Variants in ARHGAP10 observed in about 807,000 individuals in gnomAD.
ARHGAP10 encodes Rho GTPase activating protein 10, also known as rho GTPase-activating protein 10.
In ARHGAP10, 87 loss-of-function variants were observed where a neutral mutation model predicts 108.6. That is an observed-to-expected ratio of 0.80 (90% CI 0.67 to 0.96). The LOEUF (loss-of-function observed/expected upper bound fraction) is 0.96. Ranked by LOEUF, ARHGAP10 falls within the 40% of genes least tolerant of loss-of-function variation. The pLI, the probability that ARHGAP10 is intolerant of heterozygous loss-of-function variation, is 0.00. For synonymous variants in ARHGAP10, 347 were observed against 341.1 expected (o/e 1.02, Z -0.19); for missense variants, 939 against 954.5 (o/e 0.98, Z 0.21).
intron 4 of ARHGAP10, among the ~76,000 whole-genome samples, chr4:147,856,284 T>TAG (rs1734078607): frequency 6.6e-6 from 1 of 152,252 alleles, no homozygotes; most frequent in South Asian, 2.1e-4. Context: ...ATGTTTGTGA[T>TAG]GTTAACCAAA....
At chr4:147,886,071 T>C (rs1735541526) in intron 10 of ARHGAP10, among the ~76,000 whole-genome samples, 1 of 152,184 alleles carries the variant, frequency 6.6e-6, no homozygotes, top group South Asian at 2.1e-4. Context: ...GCTACAGGTA[T>C]AAGGGGTATA....
intron 1 of ARHGAP10, among the ~76,000 whole-genome samples, chr4:147,821,431 G>T (rs1406956562): frequency 6.6e-6 from 1 of 152,148 alleles, no homozygotes; most frequent in East Asian, 1.9e-4. Context: ...TACTTTAGGT[G>T]TAAGAAATTA....
chr4:148,030,003 C>T (rs937634263), intron 19 of ARHGAP10, among the ~76,000 whole-genome samples: 1 of 151,566 alleles, frequency 6.6e-6, no homozygotes, highest in African/African-American at 2.4e-5. Context: ...ATCCCCCCCC[C>T]CACCAACCCC....
chr4:147,755,696 T>TCCTTCTCTTGC (rs1433380302), intron 1 of ARHGAP10, among the ~76,000 whole-genome samples: 1 of 152,220 alleles, frequency 6.6e-6, no homozygotes, highest in Non-Finnish European at 1.5e-5. Context: ...CTGCCTCTTG[T>TCCTTCTCTTGC]CCTTCTCTTG....
At chr4:147,751,892 T>G (rs1729167237) in intron 1 of ARHGAP10, among the ~76,000 whole-genome samples, 1 of 149,886 alleles carries the variant, frequency 6.7e-6, no homozygotes, top group Non-Finnish European at 1.5e-5. Context: ...AGTTTTTTTT[T>G]TTTTTTTTTT....
Position 147,894,884 on chromosome 4 carries a change from CT to C in ARHGAP10, c.1035-11753del, listed in dbSNP as rs1349191661. On this transcript the variant is annotated intron_variant, in intron 10 of 22. Transcript: ENST00000336498. ...TCTCTACTCTGTTGCATCTCTTTGT[CT>C]GTTCTTTTGCCAGTAACACACTTAC... Among the ~76,000 whole-genome samples, 18 of 152,278 alleles carry C rather than the reference CT, an allele frequency of 1.2e-4. 1 individual carries two copies. Among genetic ancestry groups the C allele is most frequent in the African/African-American group, 4.3e-4 (18 of 41,566 alleles).
intron 1 of ARHGAP10, among the ~76,000 whole-genome samples, chr4:147,760,262 C>T (rs1175730935): frequency 1.3e-5 from 2 of 152,178 alleles, no homozygotes; most frequent in Non-Finnish European, 2.9e-5. Context: ...ACACTCAGCT[C>T]ATTAGATTTT....
chr4:147,767,727 C>G (rs76296072), intron 1 of ARHGAP10, among the ~76,000 whole-genome samples: 3 of 152,080 alleles, frequency 2.0e-5, no homozygotes, highest in Non-Finnish European at 4.4e-5. Context: ...GATTACATAC[C>G]TGAAAAAATA....
At chr4:147,856,567 A>G (rs551526563) in intron 4 of ARHGAP10, among the ~76,000 whole-genome samples, 1 of 152,328 alleles carries the variant, frequency 6.6e-6, no homozygotes, top group East Asian at 1.9e-4. Context: ...CAAAATTATT[A>G]AAAATATTGT....
intron 1 of ARHGAP10, among the ~76,000 whole-genome samples, chr4:147,816,925 A>AT (rs1188276291): frequency 6.6e-6 from 1 of 152,184 alleles, no homozygotes; most frequent in Non-Finnish European, 1.5e-5. Context: ...TAGATAAAAC[A>AT]TGAAAGAATT....
chr4:147,913,817 A>C lies in ARHGAP10; in HGVS notation c.1228+678A>C, dbSNP rs140167863. Among the ~76,000 whole-genome samples, 288 of 152,276 alleles carry C rather than the reference A, an allele frequency of 1.9e-3. 1 individual carries two copies. Among genetic ancestry groups the C allele is most frequent in the African/African-American group, 5.2e-3 (216 of 41,550 alleles). On this transcript the variant is annotated intron_variant, in intron 13 of 22. Transcript: ENST00000336498. ...AATCACTTTTGGTTGAAGCACTCTG[A>C]AGATACTCTCCACCCTCCATTGTTG...
intron 12 of ARHGAP10, among the ~76,000 whole-genome samples, chr4:147,911,993 A>ATGTG (rs1560822641): frequency 1.8e-5 from 2 of 108,694 alleles, no homozygotes; most frequent in African/African-American, 8.6e-5. Flanking sequence ...AAGAACATTC[A>ATGTG]CGTGTGTGTG....
intron 1 of ARHGAP10, among the ~76,000 whole-genome samples, chr4:147,755,509 G>C (rs974827987): frequency 1.3e-5 from 2 of 152,084 alleles, no homozygotes; most frequent in Non-Finnish European, 2.9e-5. Flanking sequence ...GGCAACAAGA[G>C]TGAAACTCCG....
chr4:148,000,841 A>G (rs1416046010), intron 18 of ARHGAP10, among the ~76,000 whole-genome samples: 1 of 151,988 alleles, frequency 6.6e-6, no homozygotes, highest in Non-Finnish European at 1.5e-5. Context: ...TTGTCAGATG[A>G]GTAGATTGCA....
intron 1 of ARHGAP10, among the ~76,000 whole-genome samples, chr4:147,787,940 A>AT (rs1282905425): frequency 1.3e-5 from 2 of 152,172 alleles, no homozygotes; most frequent in Non-Finnish European, 2.9e-5. Flanking sequence ...AGGATTAGGA[A>AT]TAAGGGGCTT....
intron 1 of ARHGAP10, among the ~76,000 whole-genome samples, chr4:147,762,128 C>T (rs1051333882): frequency 6.6e-6 from 1 of 152,178 alleles, no homozygotes; most frequent in African/African-American, 2.4e-5. Context: ...CTGCTTCAGC[C>T]TCCCGAGTAG....
intron 1 of ARHGAP10, among the ~76,000 whole-genome samples, chr4:147,745,615 C>T (rs1416507586): frequency 2.0e-5 from 3 of 152,178 alleles, no homozygotes; most frequent in African/African-American, 7.2e-5. Flanking sequence ...CCTCAGCCTC[C>T]CGAGTAGCTG....
In ARHGAP10 at chr4:147,975,490, G is replaced by A. The variant is rs187082902; in HGVS notation, c.1716+8651G>A. On this transcript the variant is annotated intron_variant, in intron 18 of 22. Transcript: ENST00000336498. ...AGGAACAGAGATTTCATTTCTTACA[G>A]TTGCATAAGCTGGAAAGCCCAAGGT... Among the ~76,000 whole-genome samples, 9 of 152,288 alleles carry A rather than the reference G, an allele frequency of 5.9e-5. No individual in the cohort carries two copies. In the East Asian group the frequency reaches 1.7e-3, roughly 29 times the overall value.
intron 1 of ARHGAP10, among the ~76,000 whole-genome samples, chr4:147,742,672 G>A (rs886548791): frequency 2.0e-5 from 3 of 151,654 alleles, no homozygotes; most frequent in Non-Finnish European, 4.4e-5. Flanking sequence ...TTTTAGTAGA[G>A]ATGGGGTTTC....
Sources: allele counts gnomAD v4.1 joint callset (sites outside exome capture counted in the v4.1 genomes callset), GRCh38; gene constraint gnomAD v4.1.1; transcripts MANE v1.5; gene names NCBI Gene and HGNC (gene_info 2026-07-23, HGNC 2026-07-21).